Variants in DNAI3 observed in about 807,000 individuals in gnomAD.
DNAI3 encodes WD repeat domain 63.
A neutral mutation model predicts 115.5 loss-of-function variants in DNAI3; 83 were observed. The observed-to-expected ratio is 0.72, with a 90% CI of 0.60 to 0.86. The LOEUF is 0.86. Ranked by LOEUF, DNAI3 falls within the 40% of genes least tolerant of loss-of-function variation. The pLI is 0.00. For synonymous variants in DNAI3, 320 were observed against 347.0 expected (o/e 0.92, Z 0.86); for missense variants, 1,004 against 1,075.8 (o/e 0.93, Z 0.93).
At chr1:85,082,598 C>A (rs1571163440) in intron 5 of DNAI3, among the ~76,000 whole-genome samples, 194 bp downstream of exon 5, 1 of 152,122 alleles carries the variant, frequency 6.6e-6, no homozygotes, top group African/African-American at 2.4e-5. Context: ...GCGTGCACCA[C>A]CACGTCAAGC....
chr1:85,110,034 T>TG lies in DNAI3; in HGVS notation c.1699-13dup, dbSNP rs1412456182. On this transcript the variant is annotated splice_polypyrimidine_tract_variant and intron_variant, in intron 15 of 22. Coordinates refer to ENST00000294664, the MANE Select transcript of DNAI3 (RefSeq NM_145172.5). Reference sequence around the variant, plus strand: ...ATATGTGGAAATAATCTTTGCTATATGTTCTCCCAAAAGGTAAGGCTGTCC... The same window carrying TG: ...ATATGTGGAAATAATCTTTGCTATATGGTTCTCCCAAAAGGTAAGGCTGTCC... The TG allele has an allele frequency of 6.2e-7, 1 of 1,610,718 alleles. No individual in the cohort carries two copies. Among genetic ancestry groups the TG allele is most frequent in the Admixed American group, 1.7e-5 (1 of 59,910 alleles).
At chr1:85,077,984 A>G (rs1479416963) in intron 3 of DNAI3, among the ~76,000 whole-genome samples, 1 of 152,162 alleles carries the variant, frequency 6.6e-6, no homozygotes, top group African/African-American at 2.4e-5. Flanking sequence ...ATAGCCTTCT[A>G]TTGTGTGCAC....
intron 16 of DNAI3, among the ~76,000 whole-genome samples, chr1:85,116,884 C>A (rs1488171756): frequency 6.6e-6 from 1 of 152,156 alleles, no homozygotes; most frequent in Non-Finnish European, 1.5e-5. Flanking sequence ...GTTGACTATA[C>A]CAACTAAATC....
intron 9 of DNAI3, 82 bp from the exon 10 acceptor site, chr1:85,094,349 G>C: frequency 6.4e-7 from 1 of 1,558,182 alleles, no homozygotes; most frequent in Non-Finnish European, 8.7e-7. Context: ...ATGAAGAGTG[G>C]CTGTGTAGAA....
At position 85,117,840 on chromosome 1, in the gene DNAI3, A is replaced by G; in HGVS notation, c.1898A>G (p.Lys633Arg). 4 of 1,612,986 alleles carry G rather than the reference A, an allele frequency of 2.5e-6. No individual in the cohort carries two copies. The highest frequency in any genetic ancestry group is 3.4e-6 in the Non-Finnish European group (4 of 1,179,204). Residue 633 changes from lysine to arginine, a missense_variant, in exon 17 of 23, where the codon AAG becomes AGG. Lys to Arg is a conservative substitution (Grantham distance 26). This residue lies in a region of DNAI3 where 429 missense variants were observed against 454.3 expected (regional missense o/e 0.94). Transcript: ENST00000294664. Reference protein sequence around the residue: ...LLKPIDDFCTKFFVGTEEGEV... With the variant: ...LLKPIDDFCTRFFVGTEEGEV... ...AAGCCAATAGATGACTTCTGCACAA[A>G]GTTCTTTGTGGGAACAGAGGTAAAT... is the stretch of plus-strand genomic sequence containing the variant.
At chr1:85,067,439 A>T (rs560010873) in intron 1 of DNAI3, among the ~76,000 whole-genome samples, 1 of 152,328 alleles carries the variant, frequency 6.6e-6, no homozygotes, top group South Asian at 2.1e-4. Context: ...GGAAACTCAA[A>T]TTATCTACAG....
intron 7 of DNAI3, among the ~76,000 whole-genome samples, chr1:85,088,412 C>T (rs1173888443): frequency 6.6e-6 from 1 of 152,006 alleles, no homozygotes; most frequent in Non-Finnish European, 1.5e-5. Context: ...TGGGAGAATG[C>T]TGGTACCATG....
At chr1:85,125,434 A>G (rs1656103812) in intron 19 of DNAI3, among the ~76,000 whole-genome samples, 2 of 152,038 alleles carry the variant, frequency 1.3e-5, no homozygotes, top group South Asian at 4.1e-4. Context: ...ATATACAAAT[A>G]CTCAAAAACT....
rs545260803 is a variant in DNAI3, at chr1:85,122,605, A to G, written c.1981+791A>G. 5.9e-5 allele frequency among the ~76,000 whole-genome samples: 9 copies of G among 152,318 alleles called. No homozygotes were observed. In the South Asian group the frequency reaches 1.9e-3, roughly 32 times the overall value. Reference sequence around the variant, plus strand: ...AGCTCCTGGGACTGCTAGGCCCACAAAGGCTTGCAAGAAGTCTTCAGAACA... The same window carrying G: ...AGCTCCTGGGACTGCTAGGCCCACAGAGGCTTGCAAGAAGTCTTCAGAACA... On this transcript the variant is annotated intron_variant, in intron 18 of 22. Coordinates refer to ENST00000294664, the MANE Select transcript of DNAI3 (RefSeq NM_145172.5).
At chr1:85,079,741 G>A (rs1276346718) in intron 3 of DNAI3, among the ~76,000 whole-genome samples, 1 of 152,100 alleles carries the variant, frequency 6.6e-6, no homozygotes, top group Non-Finnish European at 1.5e-5. Flanking sequence ...CACCCTCCCA[G>A]GGCATGCTGC....
chr1:85,092,048 T>C (rs1484834451), intron 8 of DNAI3, among the ~76,000 whole-genome samples: 1 of 152,036 alleles, frequency 6.6e-6, no homozygotes, highest in Admixed American at 6.6e-5. Context: ...GCCTCGAGAG[T>C]CCGCTACACA....
intron 10 of DNAI3, among the ~76,000 whole-genome samples, chr1:85,094,872 C>T (rs1655080993): frequency 6.6e-6 from 1 of 152,170 alleles, no homozygotes; most frequent in Non-Finnish European, 1.5e-5. Context: ...TTTAGTTTCA[C>T]ATGAGTTTCC....
At chr1:85,131,251 C>T (rs987760740) in intron 22 of DNAI3, among the ~76,000 whole-genome samples, 10 of 152,060 alleles carry the variant, frequency 6.6e-5, no homozygotes, top group African/African-American at 1.7e-4. Context: ...TCGAGACCAG[C>T]TTGACCCACA....
intron 17 of DNAI3, among the ~76,000 whole-genome samples, chr1:85,120,478 C>A (rs1017050016): frequency 6.6e-6 from 1 of 152,218 alleles, no homozygotes; most frequent in Admixed American, 6.5e-5. Flanking sequence ...AGCTAGGTGA[C>A]TGATGATACG....
At chr1:85,097,756 A>G in intron 12 of DNAI3, 101 bp downstream of exon 12, 1 of 1,017,002 alleles carries the variant, frequency 9.8e-7, no homozygotes, top group Non-Finnish European at 1.4e-6. Flanking sequence ...CTCAAGAGAA[A>G]AAAGGAAAAA....
At chr1:85,115,635 G>C (rs59030463) in intron 16 of DNAI3, among the ~76,000 whole-genome samples, 7,856 of 151,850 alleles carry the variant, frequency 0.052, 272 homozygotes, top group East Asian at 0.15. Context: ...CTCTATCATA[G>C]CCTTCCCCAA....
chr1:85,095,270 T>A (rs1655090835), intron 10 of DNAI3, among the ~76,000 whole-genome samples: 1 of 152,192 alleles, frequency 6.6e-6, no homozygotes, highest in African/African-American at 2.4e-5. Context: ...GTTTTAAATA[T>A]AATAATATTT....
rs770530835 is a variant in DNAI3, at chr1:85,097,578, TG to T, written c.1276del (p.Asp426IlefsTer9). The T allele has an allele frequency of 6.2e-7, 1 of 1,608,850 alleles. No homozygotes were observed. Among genetic ancestry groups the T allele is most frequent in the Non-Finnish European group, 8.5e-7 (1 of 1,178,506 alleles). On this transcript the variant is annotated frameshift_variant, in exon 12 of 23. Transcript: ENST00000294664. LOFTEE classifies it high-confidence loss of function. ...GGCINGQIVMWDITAHADRIE... is the reference protein window; with the variant it reads ...GGCINGQIVMXDITAHADRIE... ...TTTATTTCCATTTTAGATTGTCATGTGGGATATCACCGCACATGCAGATCGC... is the reference window on the plus strand; with the variant it reads ...TTTATTTCCATTTTAGATTGTCATGTGGATATCACCGCACATGCAGATCGC...
At chr1:85,064,190 G>A (rs992935088) in intron 1 of DNAI3, among the ~76,000 whole-genome samples, 1 of 152,160 alleles carries the variant, frequency 6.6e-6, no homozygotes, top group Non-Finnish European at 1.5e-5. Flanking sequence ...AAGGTTCATG[G>A]CACAAAACAG....
Sources: allele counts gnomAD v4.1 joint callset (sites outside exome capture counted in the v4.1 genomes callset), GRCh38; gene constraint gnomAD v4.1.1; regional missense constraint gnomAD v4.1.1; transcripts MANE v1.5; gene names NCBI Gene and HGNC (gene_info 2026-07-23, HGNC 2026-07-21).